Variants in MCF2L observed in about 807,000 individuals in gnomAD.
MCF2L encodes the protein guanine nucleotide exchange factor DBS.
In MCF2L, 97 loss-of-function variants were observed where a neutral mutation model predicts 153.4. The ratio of observed to expected loss-of-function variants is 0.63; its 90% CI spans 0.54 to 0.75. The LOEUF is 0.75. MCF2L is among the 30% of genes least tolerant of loss of function. The pLI is 0.00. For missense variants in MCF2L, 1,347 were observed against 1,495.2 expected (o/e 0.90, Z 1.64); for synonymous variants, 659 against 632.2 (o/e 1.04, Z -0.64).
chr13:112,899,612 G>C (rs180727193), intron 1 of MCF2L, among the ~76,000 whole-genome samples: 88 of 152,296 alleles, frequency 5.8e-4, no homozygotes, highest in African/African-American at 1.8e-3. Context: ...GGAGGAGTGA[G>C]ATCCTAGAGG....
chr13:113,037,334 G>T (rs928154409), intron 3 of MCF2L, among the ~76,000 whole-genome samples: 1 of 152,182 alleles, frequency 6.6e-6, no homozygotes, highest in African/African-American at 2.4e-5. Context: ...CAAGTTCTGG[G>T]GAAGCAGGGA....
chr13:113,088,444 G>T (rs781761325), intron 24 of MCF2L, 39 bp downstream of exon 24: 73 of 1,610,682 alleles, frequency 4.5e-5, no homozygotes, highest in Non-Finnish European at 6.0e-5. Context: ...CGTAGCTTCC[G>T]CTCCAGGTGC....
intron 2 of MCF2L, among the ~76,000 whole-genome samples, chr13:112,913,426 T>G (rs2081257003): frequency 6.6e-6 from 1 of 152,198 alleles, no homozygotes; most frequent in Non-Finnish European, 1.5e-5. Flanking sequence ...GCCGTCATGA[T>G]GTCTCAGCTG....
intron 1 of MCF2L, among the ~76,000 whole-genome samples, chr13:112,971,419 G>A (rs1594414027): frequency 6.6e-6 from 1 of 152,306 alleles, no homozygotes. Flanking sequence ...GTGGCGGCTG[G>A]TGTAGGTCCT....
intron 20 of MCF2L, among the ~76,000 whole-genome samples, chr13:113,085,441 G>A (rs1219146324): frequency 6.6e-6 from 1 of 152,288 alleles, no homozygotes; most frequent in East Asian, 1.9e-4. Flanking sequence ...GTGATGTGCT[G>A]ACCCGTCCCT....
intron 2 of MCF2L, among the ~76,000 whole-genome samples, chr13:112,959,143 T>A (rs1247643409): frequency 6.6e-6 from 1 of 152,216 alleles, no homozygotes; most frequent in Non-Finnish European, 1.5e-5. Flanking sequence ...GTCTTGTTTT[T>A]ACCAATTCTG....
At chr13:112,954,572 G>A (rs895014819) in intron 2 of MCF2L, among the ~76,000 whole-genome samples, 15 of 152,318 alleles carry the variant, frequency 9.8e-5, no homozygotes, top group East Asian at 1.9e-4. Context: ...TGCTTGGAGC[G>A]AGCCTCCCTC....
intron 1 of MCF2L, among the ~76,000 whole-genome samples, chr13:112,898,531 G>C (rs9603984): frequency 1.3e-5 from 2 of 152,072 alleles, no homozygotes; most frequent in African/African-American, 4.8e-5. Context: ...TGCCAGACAC[G>C]GCAGCAGCAG....
At chr13:113,094,090 G>A (rs1595040828) in intron 26 of MCF2L, 1 of 154,900 alleles carries the variant, frequency 6.5e-6, no homozygotes, top group Admixed American at 6.4e-5. Context: ...GTGAGCTTCA[G>A]TCATTCACTT....
At chr13:113,025,686 G>A (rs1426462196) in intron 3 of MCF2L, among the ~76,000 whole-genome samples, 2 of 96,772 alleles carry the variant, frequency 2.1e-5, no homozygotes, top group Admixed American at 1.1e-4. Flanking sequence ...AGATTTCCCT[G>A]TCATGGGGTC....
intron 3 of MCF2L, among the ~76,000 whole-genome samples, chr13:113,026,435 CTTT>C (rs2141312128): frequency 6.6e-6 from 1 of 152,354 alleles, no homozygotes; most frequent in East Asian, 1.9e-4. Flanking sequence ...CCGAATCCAG[CTTT>C]TTCGCTCCTG....
Position 112,960,263 on chromosome 13 carries a change from G to A in MCF2L, c.170-54500G>A, listed in dbSNP as rs1288605034. 1.3e-5 allele frequency among the ~76,000 whole-genome samples: 2 copies of A among 152,260 alleles called. No individual in the cohort carries two copies. The highest frequency in any genetic ancestry group is 6.5e-5 in the Admixed American group (1 of 15,302). ...GTCTTTCCAAGAGACGGCCTCACCC[G>A]GTGAGAGAGCGGAGAGACCGAGAGG... On this transcript the variant is annotated intron_variant, in intron 2 of 29. Coordinates refer to the MCF2L transcript ENST00000375608. The surrounding 1 kb of genome is among the most constrained non-coding windows in gnomAD (Gnocchi z 4.2).
At chr13:112,914,600 G>A (rs550339129) in intron 2 of MCF2L, among the ~76,000 whole-genome samples, 2 of 152,252 alleles carry the variant, frequency 1.3e-5, no homozygotes, top group African/African-American at 4.8e-5. Context: ...GCTCCCTGCA[G>A]AGGTGTCTGA....
intron 1 of MCF2L, chr13:113,001,320 C>G (rs1307679851): frequency 6.6e-6 from 1 of 152,392 alleles, no homozygotes; most frequent in South Asian, 2.1e-4. Context: ...CAGCTGCCTC[C>G]CAGGCACTCA....
chr13:113,096,833 G>T lies in MCF2L; in HGVS notation c.3352G>T (p.Ala1118Ser), dbSNP rs769843793. 24 of 1,520,392 alleles carry T rather than the reference G, an allele frequency of 1.6e-5. No homozygotes were observed. The South Asian group carries it at 3.0e-4, about 19-fold the overall frequency. 94.2% of individuals were successfully genotyped at this position (1,520,392 alleles called of 1,614,324 possible). A position where few individuals can be genotyped will look rare whatever the true frequency, so the allele number is the denominator to read the frequency against. The change falls in exon 30 of 30, where the codon GCC (alanine) becomes TCC (serine). Residue 1118 changes from alanine (A) to serine (S), a missense_variant. By Grantham distance (99) the Ala-to-Ser change is moderately conservative (BLOSUM62 1). Transcript: ENST00000535094. ...GTCCAGCTGCAGCGAGGGCGGCCAG[G>T]CCCCCTTCTCCGACCTGCAGGGGTA... is the stretch of plus-strand genomic sequence containing the variant. ...NSSSCSEGGQAPFSDLQG is the reference protein window; with the variant it reads ...NSSSCSEGGQSPFSDLQG
chr13:113,087,212 C>T (rs749661432), intron 21 of MCF2L, 23 bp from the exon 22 acceptor site: 2 of 1,601,788 alleles, frequency 1.2e-6, no homozygotes, highest in South Asian at 1.1e-5. Flanking sequence ...GTCCTGAACA[C>T]AGCCCTGCTG....
chr13:113,016,588 A>C (rs3011525), intron 2 of MCF2L, among the ~76,000 whole-genome samples: 99,403 of 151,880 alleles, frequency 0.65, 32,712 homozygotes, highest in East Asian at 0.85. Flanking sequence ...GGAATATAAG[A>C]TGGAGTCCCC....
At position 113,060,627 on chromosome 13, in the gene MCF2L, T is replaced by G; in HGVS notation, c.404T>G (p.Val135Gly). The G allele has an allele frequency of 6.2e-7, 1 of 1,613,614 alleles. No individual in the cohort carries two copies. Among genetic ancestry groups the G allele is most frequent in the Non-Finnish European group, 8.5e-7 (1 of 1,179,986 alleles). Reference protein sequence around the residue: ...SFPANLQLVLVLRPTGFFQRT... With the variant: ...SFPANLQLVLGLRPTGFFQRT... ...CCGGCAAACCTGCAGCTCGTCCTCGTGCTTCGCCCGACGGGTTTTTTCCAA... is the reference window on the plus strand; with the variant it reads ...CCGGCAAACCTGCAGCTCGTCCTCGGGCTTCGCCCGACGGGTTTTTTCCAA... Residue 135 changes from valine (V) to glycine (G), a missense_variant, in exon 5 of 30, where the codon GTG (valine) becomes GGG (glycine). Val to Gly is a moderately radical substitution (Grantham distance 109). Transcript: ENST00000535094.
At chr13:112,992,719 C>T (rs2082941173) in intron 1 of MCF2L, among the ~76,000 whole-genome samples, 1 of 152,324 alleles carries the variant, frequency 6.6e-6, no homozygotes, top group South Asian at 2.1e-4. Context: ...GAACTTGGCA[C>T]TTACGTAACT....
Sources: gnomAD v4.1 joint callset for allele counts (sites outside exome capture counted in the v4.1 genomes callset) on GRCh38, gnomAD v4.1.1 for gene constraint, Gnocchi (gnomAD v3.1) non-coding constraint, MANE v1.5 for transcripts, NCBI Gene and HGNC (gene_info 2026-07-23, HGNC 2026-07-21) for gene names.